The following HPSE2 variants were observed in gnomAD, a reference collection of about 807,000 sequenced individuals.
HPSE2 encodes the protein inactive heparanase-2.
Under a neutral mutation model 60.5 loss-of-function variants are expected in HPSE2, and 38 were observed. The observed-to-expected ratio is 0.63, with a 90% CI of 0.48 to 0.82. The LOEUF (loss-of-function observed/expected upper bound fraction) is 0.82, where lower values mean the gene tolerates loss of function less well. HPSE2 is among the 40% of genes least tolerant of loss of function. The probability of loss-of-function intolerance (pLI) is 0.00; values close to 1 mark genes in which losing one functional copy is unlikely to be tolerated. For synonymous variants in HPSE2, 295 were observed against 293.2 expected (o/e 1.01, Z -0.06); for missense variants, 713 against 740.4 (o/e 0.96, Z 0.43).
chr10:99,061,812 T>C (rs1416454561), intron 3 of HPSE2, among the ~76,000 whole-genome samples: 1 of 152,236 alleles, frequency 6.6e-6, no homozygotes, highest in Non-Finnish European at 1.5e-5. Context: ...GAGGATTAAA[T>C]GAGATATTGT....
At chr10:98,524,554 A>G (rs1163241365) in intron 9 of HPSE2, among the ~76,000 whole-genome samples, 1 of 152,234 alleles carries the variant, frequency 6.6e-6, no homozygotes, top group Non-Finnish European at 1.5e-5. Flanking sequence ...GTATTAGCCA[A>G]CCACTTTTGC....
chr10:98,743,795 A>T, intron 4 of HPSE2, 88 bp downstream of exon 4: 1 of 1,191,156 alleles, frequency 8.4e-7, no homozygotes, highest in Non-Finnish European at 1.3e-6. Context: ...CCAGGGTACT[A>T]GAGATGGTCT....
intron 3 of HPSE2, among the ~76,000 whole-genome samples, chr10:99,036,036 C>A (rs1420786242): frequency 1.3e-5 from 2 of 152,014 alleles, no homozygotes; most frequent in Non-Finnish European, 2.9e-5. Context: ...CAAAGCAAGA[C>A]CCTGTTCCTA....
intron 3 of HPSE2, among the ~76,000 whole-genome samples, chr10:99,021,749 C>A (rs1957267543): frequency 6.6e-6 from 1 of 150,956 alleles, no homozygotes; most frequent in East Asian, 2.0e-4. Context: ...AAGATGGCTA[C>A]AGCAGCTGCA....
At chr10:98,531,181 T>C (rs1943119972) in intron 9 of HPSE2, among the ~76,000 whole-genome samples, 1 of 151,916 alleles carries the variant, frequency 6.6e-6, no homozygotes. Context: ...AAAATGCAAA[T>C]ACATGGAAAT....
intron 11 of HPSE2, among the ~76,000 whole-genome samples, chr10:98,482,280 G>GC (rs1941266139): frequency 6.6e-6 from 1 of 152,192 alleles, no homozygotes; most frequent in Admixed American, 6.5e-5. Context: ...ATGTTTGGTT[G>GC]CTACATGACC....
chr10:99,057,034 G>A (rs559895225), intron 3 of HPSE2, among the ~76,000 whole-genome samples: 2 of 152,254 alleles, frequency 1.3e-5, no homozygotes, highest in African/African-American at 4.8e-5. Flanking sequence ...ATAGTGACAG[G>A]TTGCCTTTGG....
At chr10:98,469,075 T>A (rs907208792) in intron 11 of HPSE2, among the ~76,000 whole-genome samples, 1 of 152,102 alleles carries the variant, frequency 6.6e-6, no homozygotes, top group Non-Finnish European at 1.5e-5. Flanking sequence ...TGTAGTGTGG[T>A]TTGGGGGTCA....
At chr10:98,909,397 G>A (rs557770422) in intron 3 of HPSE2, among the ~76,000 whole-genome samples, 2 of 150,892 alleles carry the variant, frequency 1.3e-5, no homozygotes, top group South Asian at 4.2e-4. Context: ...TTGGGAGGTC[G>A]AAGCGGGTGA....
intron 5 of HPSE2, among the ~76,000 whole-genome samples, chr10:98,716,907 T>C (rs1948804946): frequency 6.6e-6 from 1 of 152,028 alleles, no homozygotes; most frequent in Non-Finnish European, 1.5e-5. Flanking sequence ...TATTGTTCCA[T>C]TTATAGAGTA....
chr10:99,232,572 A>T lies in HPSE2; in HGVS notation c.291-67T>A. On this transcript the variant is annotated intron_variant, in intron 1 of 11. Coordinates refer to ENST00000370552, the MANE Select transcript of HPSE2 (RefSeq NM_021828.5). ...GGACGAGAGCGCGTGGGGCACGGAG[A>T]AGGGCCCTCTTCCTACTCCCTGAGG... The T allele has an allele frequency of 7.3e-6, 11 of 1,507,732 alleles. No individual in the cohort carries two copies. The South Asian group carries it at 1.1e-4, about 15-fold the overall frequency. The allele number at this position is 1,507,732 out of a possible 1,614,324, so 93.4% of individuals were successfully genotyped here.
intron 3 of HPSE2, among the ~76,000 whole-genome samples, chr10:98,895,188 T>C (rs1953450814): frequency 6.6e-6 from 1 of 152,066 alleles, no homozygotes; most frequent in Non-Finnish European, 1.5e-5. Flanking sequence ...AACCCATACG[T>C]ATAGAAATTA....
intron 6 of HPSE2, among the ~76,000 whole-genome samples, chr10:98,690,288 C>G (rs1404078196): frequency 2.0e-5 from 3 of 152,162 alleles, no homozygotes; most frequent in Non-Finnish European, 4.4e-5. Flanking sequence ...TGCCTGTAAT[C>G]CCAGCACTTT....
chr10:99,180,099 C>G (rs1279616488), intron 2 of HPSE2, among the ~76,000 whole-genome samples: 2 of 152,086 alleles, frequency 1.3e-5, no homozygotes, highest in African/African-American at 4.8e-5. Context: ...ATACCTTATA[C>G]AAAAATTAAC....
chr10:98,670,638 A>G lies in HPSE2; in HGVS notation c.1004+23262T>C, dbSNP rs563505054. Reference sequence around the variant, plus strand: ...GCAGCCCGGCGCCAGGCCCAAAACCAGGCCTGGGCCTGCCTGGCCTAAACC... The same window carrying G: ...GCAGCCCGGCGCCAGGCCCAAAACCGGGCCTGGGCCTGCCTGGCCTAAACC... On this transcript the variant is annotated intron_variant, in intron 6 of 11. Transcript: ENST00000370552. 6.2e-4 allele frequency among the ~76,000 whole-genome samples: 94 copies of G among 152,366 alleles called. No individual in the cohort carries two copies. The East Asian group carries it at 0.016, about 27-fold the overall frequency.
At chr10:98,503,533 T>C (rs1158718161) in intron 9 of HPSE2, among the ~76,000 whole-genome samples, 1 of 152,110 alleles carries the variant, frequency 6.6e-6, no homozygotes, top group Non-Finnish European at 1.5e-5. Context: ...CAGAGGAAAA[T>C]AAGTCATTAT....
intron 3 of HPSE2, among the ~76,000 whole-genome samples, chr10:98,984,895 T>C (rs1589463556): frequency 6.6e-6 from 1 of 152,060 alleles, no homozygotes; most frequent in East Asian, 1.9e-4. Flanking sequence ...GTATCAGTGA[T>C]GGAAGATCAA....
chr10:98,636,879 A>G (rs981337429), intron 7 of HPSE2, among the ~76,000 whole-genome samples: 2 of 152,190 alleles, frequency 1.3e-5, no homozygotes, highest in Non-Finnish European at 2.9e-5. Flanking sequence ...ACAGAGTCCA[A>G]ATGACTTCAG....
chr10:98,466,186 A>G (rs1940521472), intron 11 of HPSE2, among the ~76,000 whole-genome samples: 1 of 152,166 alleles, frequency 6.6e-6, no homozygotes, highest in African/African-American at 2.4e-5. Context: ...AATTTTCTGG[A>G]CTACAGTCTG....
Sources: allele counts gnomAD v4.1 joint callset (sites outside exome capture counted in the v4.1 genomes callset), GRCh38; gene constraint gnomAD v4.1.1; transcripts MANE v1.5; gene names NCBI Gene and HGNC (gene_info 2026-07-23, HGNC 2026-07-21).